The following RSRC1 variants were observed in gnomAD, a reference collection of about 807,000 sequenced individuals.
The protein encoded by RSRC1 is serine/Arginine-related protein 53.
Under a neutral mutation model 49.1 loss-of-function variants are expected in RSRC1, and 39 were observed. That is an observed-to-expected ratio of 0.79 (90% CI 0.61 to 1.04). The LOEUF is 1.04. Among genes scored for constraint, RSRC1 ranks in the 50% least tolerant of loss-of-function variants. The probability of loss-of-function intolerance (pLI) is 0.00; values close to 1 mark genes in which losing one functional copy is unlikely to be tolerated. For synonymous variants in RSRC1, 143 were observed against 130.8 expected, an observed-to-expected ratio of 1.09 and a Z score of -0.63; for missense variants, 388 against 402.4, an observed-to-expected ratio of 0.96 and a Z score of 0.31.
chr3:158,338,123 AT>A (rs1730022454), intron 5 of RSRC1, among the ~76,000 whole-genome samples: 1 of 152,074 alleles, frequency 6.6e-6, no homozygotes, highest in African/African-American at 2.4e-5. Flanking sequence ...TTTCACCTTT[AT>A]AGTTTAACAT....
At chr3:158,358,129 T>C (rs1731259751) in intron 6 of RSRC1, among the ~76,000 whole-genome samples, 3 of 152,216 alleles carry the variant, frequency 2.0e-5, no homozygotes, top group Admixed American at 1.3e-4. Context: ...AAAATGTACC[T>C]ATAGGGTGTT....
intron 4 of RSRC1, 119 bp from the exon 5 acceptor site, chr3:158,297,920 T>A (rs891144857): frequency 1.4e-6 from 1 of 717,504 alleles, no homozygotes; most frequent in Non-Finnish European, 2.4e-6. Context: ...AACAGTGTTA[T>A]GAACATAAGT....
At chr3:158,264,546 A>G (rs1725069804) in intron 4 of RSRC1, among the ~76,000 whole-genome samples, 1 of 152,204 alleles carries the variant, frequency 6.6e-6, no homozygotes, top group Non-Finnish European at 1.5e-5. Context: ...TGAAGTTCAC[A>G]TCTACTATGT....
chr3:158,438,718 A>C (rs146539920), intron 6 of RSRC1, among the ~76,000 whole-genome samples: 11,194 of 152,266 alleles, frequency 0.074, 485 homozygotes, highest in South Asian at 0.13. Flanking sequence ...TAAAAACCCT[A>C]GAAGAAAACC....
chr3:158,228,307 T>G (rs1578216946), intron 4 of RSRC1, among the ~76,000 whole-genome samples: 3 of 152,108 alleles, frequency 2.0e-5, no homozygotes, highest in Admixed American at 2.0e-4. Context: ...GGTGCTTCAG[T>G]GAAGCAATTT....
At chr3:158,204,177 T>A (rs1180389053) in intron 4 of RSRC1, among the ~76,000 whole-genome samples, 1 of 152,206 alleles carries the variant, frequency 6.6e-6, no homozygotes, top group East Asian at 1.9e-4. Context: ...TAAAGAATTA[T>A]TAAGTTTATT....
At chr3:158,286,178 G>A (rs928717442) in intron 4 of RSRC1, among the ~76,000 whole-genome samples, 2 of 152,074 alleles carry the variant, frequency 1.3e-5, no homozygotes, top group Non-Finnish European at 2.9e-5. Context: ...CCCTAATCAT[G>A]TTTCCAATTA....
chr3:158,129,816 G>T, intron 3 of RSRC1, among the ~76,000 whole-genome samples: 1 of 152,070 alleles, frequency 6.6e-6, no homozygotes, highest in Non-Finnish European at 1.5e-5. Flanking sequence ...TGACAATTTT[G>T]TCAAAAGCTT....
At chr3:158,500,927 C>T (rs551693298) in intron 7 of RSRC1, among the ~76,000 whole-genome samples, 1 of 151,942 alleles carries the variant, frequency 6.6e-6, no homozygotes, top group East Asian at 1.9e-4. Context: ...TCTTGTTTCT[C>T]TAGTTCCTTG....
At chr3:158,218,210 G>A (rs1431637926) in intron 4 of RSRC1, among the ~76,000 whole-genome samples, 1 of 151,600 alleles carries the variant, frequency 6.6e-6, no homozygotes, top group African/African-American at 2.4e-5. Context: ...TGGGTGACAT[G>A]ATCAGATTAG....
At chr3:158,533,470 C>T (rs1712528843) in intron 7 of RSRC1, among the ~76,000 whole-genome samples, 1 of 151,638 alleles carries the variant, frequency 6.6e-6, no homozygotes, top group Non-Finnish European at 1.5e-5. Flanking sequence ...TGGCAAGCCT[C>T]TATGATAACA....
At chr3:158,257,990 A>G (rs1331782443) in intron 4 of RSRC1, among the ~76,000 whole-genome samples, 1 of 151,850 alleles carries the variant, frequency 6.6e-6, no homozygotes, top group Non-Finnish European at 1.5e-5. Context: ...TTGATAGCTT[A>G]TTTTACTGTC....
intron 3 of RSRC1, among the ~76,000 whole-genome samples, chr3:158,145,810 A>G (rs1189299732): frequency 6.6e-6 from 1 of 152,072 alleles, no homozygotes; most frequent in Admixed American, 6.6e-5. Context: ...TATTTCGTTG[A>G]GCAGTGATTT....
chr3:158,400,342 C>A (rs73170382), intron 6 of RSRC1, among the ~76,000 whole-genome samples: 20,486 of 152,022 alleles, frequency 0.13, 1,497 homozygotes, highest in Middle Eastern at 0.2. Flanking sequence ...ATACTTGATA[C>A]TGATAATAAA....
At chr3:158,233,665 T>A (rs776494622) in intron 4 of RSRC1, among the ~76,000 whole-genome samples, 2 of 152,144 alleles carry the variant, frequency 1.3e-5, no homozygotes, top group African/African-American at 2.4e-5. Context: ...TTCAAAGAAT[T>A]CATGAAGAGA....
intron 5 of RSRC1, among the ~76,000 whole-genome samples, chr3:158,312,054 C>T (rs1728160398): frequency 6.6e-6 from 1 of 152,028 alleles, no homozygotes; most frequent in South Asian, 2.1e-4. Flanking sequence ...TGGCAAGACT[C>T]AGAAGGTGAA....
At chr3:158,134,568 G>A (rs943643178) in intron 3 of RSRC1, among the ~76,000 whole-genome samples, 2 of 152,124 alleles carry the variant, frequency 1.3e-5, no homozygotes, top group Admixed American at 1.3e-4. Flanking sequence ...TGACAGATGA[G>A]CCATTTCACA....
chr3:158,382,602 A>C (rs937778582), intron 6 of RSRC1, among the ~76,000 whole-genome samples: 9 of 152,066 alleles, frequency 5.9e-5, no homozygotes, highest in African/African-American at 1.9e-4. Flanking sequence ...CCCCCAGTCT[A>C]ATACTGTTAG....
intron 7 of RSRC1, among the ~76,000 whole-genome samples, chr3:158,519,837 T>C (rs1711559630): frequency 6.6e-6 from 1 of 152,086 alleles, no homozygotes; most frequent in Admixed American, 6.6e-5. Context: ...AACTATATGT[T>C]ACCTAGAGAG....
Sources: gnomAD v4.1 joint callset for allele counts (sites outside exome capture counted in the v4.1 genomes callset) on GRCh38, gnomAD v4.1.1 for gene constraint, MANE v1.5 for transcripts, NCBI Gene and HGNC (gene_info 2026-07-23, HGNC 2026-07-21) for gene names.